EPOP: variants seen among roughly 807,000 people sequenced by gnomAD.
EPOP encodes elongin BC and polycomb repressive complex 2 associated protein, also known as elongin BC and Polycomb repressive complex 2-associated protein.
In EPOP, 14 loss-of-function variants were observed where a neutral mutation model predicts 18.2. The observed-to-expected ratio is 0.77, with a 90% CI of 0.51 to 1.20. EPOP has a LOEUF of 1.20. Ranked by LOEUF, EPOP falls within the 50% of genes most tolerant of loss-of-function variation. EPOP has a pLI of 0.00. For missense variants in EPOP, 527 were observed against 577.2 expected, an observed-to-expected ratio of 0.91 and a Z score of 0.89; for synonymous variants, 252 against 274.9, an observed-to-expected ratio of 0.92 and a Z score of 0.83.
chr17:38,673,808 C>G lies in EPOP; in HGVS notation c.688G>C (p.Ala230Pro), dbSNP rs868242531. ...PEAPAASPST[A>P]SPAPAAPGDL... ...CCGGGTGCGGCCGGAGCCGGGCTGG[C>G]CGTCGAGGGGCTGGCCGCTGGAGCC... The change falls in exon 1 of 1, where the codon GCC (alanine) becomes CCC (proline). Residue 230 changes from alanine (A) to proline (P), a missense_variant. Ala to Pro is a conservative substitution (Grantham distance 27). Coordinates refer to ENST00000621654, the MANE Select transcript of EPOP (RefSeq NM_001130677.2). 14 of 1,510,796 alleles carry G rather than the reference C, an allele frequency of 9.3e-6. No homozygotes were observed. The South Asian group carries it at 1.7e-4, about 19-fold the overall frequency. 93.6% of individuals were successfully genotyped at this position (1,510,796 alleles called of 1,614,324 possible). A position where few individuals can be genotyped will look rare whatever the true frequency, so the allele number is the denominator to read the frequency against.
rs769142923 is a variant in EPOP, at chr17:38,673,761, G to T, written c.735C>A (p.Phe245Leu). The T allele has an allele frequency of 2.0e-6, 3 of 1,527,182 alleles. No individual in the cohort carries two copies. Among genetic ancestry groups the T allele is most frequent in the Non-Finnish European group, 2.6e-6 (3 of 1,137,672 alleles). The allele number at this position is 1,527,182 out of a possible 1,614,324, so 94.6% of individuals were successfully genotyped here. A position where few individuals can be genotyped will look rare whatever the true frequency, so the allele number is the denominator to read the frequency against. The change falls in exon 1 of 1, where the codon TTC becomes TTA. Residue 245 changes from phenylalanine (F) to leucine (L), a missense_variant. Transcript: ENST00000621654. ...AAPGDLRQEH[F>L]DRLIRRSKLW... The stretch of plus-strand genomic sequence containing the variant: ...GTTTCGACCGGCGGATCAGACGATC[G>T]AAATGTTCCTGGCGGAGATCTCCGG...
Position 38,673,666 on chromosome 17 carries a change from G to C in EPOP, c.830C>G (p.Ala277Gly). Residue 277 changes from alanine to glycine, a missense_variant, in exon 1 of 1, where the codon GCG becomes GGG. Ala to Gly is a moderately conservative substitution (Grantham distance 60, BLOSUM62 0). Coordinates refer to ENST00000621654, the MANE Select transcript of EPOP (RefSeq NM_001130677.2). Reference protein sequence around the residue: ...SLRRGPERPPAKGPARGAAKK... With the variant: ...SLRRGPERPPGKGPARGAAKK... Reference sequence around the variant, plus strand: ...GGCGGCTCCCCGAGCCGGCCCTTTCGCAGGCGGCCGCTCTGGCCCCCGGCG... The same window carrying C: ...GGCGGCTCCCCGAGCCGGCCCTTTCCCAGGCGGCCGCTCTGGCCCCCGGCG... 1 of 1,530,322 alleles carries C rather than the reference G, an allele frequency of 6.5e-7. No homozygotes were observed. The highest frequency in any genetic ancestry group is 8.8e-7 in the Non-Finnish European group (1 of 1,138,992). 94.8% of individuals were successfully genotyped at this position (1,530,322 alleles called of 1,614,324 possible).
In EPOP at chr17:38,674,356, G is replaced by A; in HGVS notation, c.140C>T (p.Ala47Val). The change falls in exon 1 of 1, where the codon GCC becomes GTC. Residue 47 changes from alanine to valine, a missense_variant. Coordinates refer to ENST00000621654, the MANE Select transcript of EPOP (RefSeq NM_001130677.2). The surrounding 1 kb of genome is among the most constrained non-coding windows in gnomAD (Gnocchi z 4.5). ...PLCLRALAFC[A>V]LAKPRASSLG... Reference sequence around the variant, plus strand: ...AGAGGACGCCCGGGGCTTGGCAAGGGCGCAGAAGGCGAGGGCACGCAGGCA... The same window carrying A: ...AGAGGACGCCCGGGGCTTGGCAAGGACGCAGAAGGCGAGGGCACGCAGGCA... 6.5e-7 allele frequency: 1 copy of A among 1,542,304 alleles called. No homozygotes were observed. The highest frequency in any genetic ancestry group is 8.7e-7 in the Non-Finnish European group (1 of 1,146,136).
rs1292002662 is a variant in EPOP at position 38,674,515 on chromosome 17, C to T, written c.-20G>A. On this transcript the variant is annotated 5_prime_UTR_variant, in exon 1 of 1. The change creates a premature stop within an existing upstream ORF in the 5' untranslated region. Transcript: ENST00000621654. The surrounding 1 kb of genome is among the most constrained non-coding windows in gnomAD (Gnocchi z 4.5). Reference sequence around the variant, plus strand: ...CTCCATGGAGCAGCCTGAGGGGTGCCCACTGAGCGGGTCCAGGTCCCAGCG... The same window carrying T: ...CTCCATGGAGCAGCCTGAGGGGTGCTCACTGAGCGGGTCCAGGTCCCAGCG... The T allele has an allele frequency of 6.7e-7, 1 of 1,500,002 alleles. No individual in the cohort carries two copies. Among genetic ancestry groups the T allele is most frequent in the Non-Finnish European group, 8.9e-7 (1 of 1,128,148 alleles). The allele number at this position is 1,500,002 out of a possible 1,614,324, so 92.9% of individuals were successfully genotyped here.
rs1378389688 is a variant in EPOP, at chr17:38,672,273, A to G, written c.*1083T>C. 6.6e-6 allele frequency: 1 copy of G among 151,806 alleles called. No individual in the cohort carries two copies. 9.4% of individuals were successfully genotyped at this position (151,806 alleles called of 1,614,324 possible). ...ACTTTGCCCCTTCAAACCCCAGGGG[A>G]CTCTTGAAGTTAGGCCAAGAGTCCT... On this transcript the variant is annotated 3_prime_UTR_variant, in exon 1 of 1. Coordinates refer to ENST00000621654, the MANE Select transcript of EPOP (RefSeq NM_001130677.2).
rs894342295 is a variant in EPOP, at chr17:38,672,695, G to C, written c.*661C>G. ...GGGAACTCCAAAACTGGACAAAAGG[G>C]AAAGGTCGGCGGCTGAGGCTGAAGA... On this transcript the variant is annotated 3_prime_UTR_variant, in exon 1 of 1. Transcript: ENST00000621654. 1.3e-5 allele frequency: 2 copies of C among 152,328 alleles called. No individual in the cohort carries two copies. Among genetic ancestry groups the C allele is most frequent in the African/African-American group, 4.8e-5 (2 of 41,456 alleles). 9.4% of individuals were successfully genotyped at this position (152,328 alleles called of 1,614,324 possible). A position where few individuals can be genotyped will look rare whatever the true frequency, so the allele number is the denominator to read the frequency against.
In EPOP at chr17:38,674,860, GCACCCGGTGCCCGGGC is replaced by G. The variant is rs1911075035; in HGVS notation, c.-381_-366del. The G allele has an allele frequency of 5.6e-6, 1 of 179,400 alleles. No homozygotes were observed. Among genetic ancestry groups the G allele is most frequent in the Admixed American group, 6.3e-5 (1 of 15,924 alleles). The allele number at this position is 179,400 out of a possible 1,614,324, so 11.1% of individuals were successfully genotyped here. On this transcript the variant is annotated 5_prime_UTR_variant, in exon 1 of 1. Transcript: ENST00000621654. This position sits in a 1 kb window ranked among gnomAD's most constrained non-coding sequence, Gnocchi z 4.5. ...GGAGGCGGGAAGGACCCCGGGCCCG[GCACCCGGTGCCCGGGC>G]CCAGGCGGCGGGGAGGGCGCCTTCC...
In EPOP at chr17:38,673,777, A is replaced by T; in HGVS notation, c.719T>A (p.Leu240His). Residue 240 changes from leucine (L) to histidine (H), a missense_variant, in exon 1 of 1, where the codon CTC becomes CAC. Leu to His is a moderately conservative substitution (Grantham distance 99). Coordinates refer to ENST00000621654, the MANE Select transcript of EPOP (RefSeq NM_001130677.2). ...ASPAPAAPGDLRQEHFDRLIR... is the reference protein window; with the variant it reads ...ASPAPAAPGDHRQEHFDRLIR... ...CAGACGATCGAAATGTTCCTGGCGGAGATCTCCGGGTGCGGCCGGAGCCGG... is the reference window on the plus strand; with the variant it reads ...CAGACGATCGAAATGTTCCTGGCGGTGATCTCCGGGTGCGGCCGGAGCCGG... 6.6e-7 allele frequency: 1 copy of T among 1,520,834 alleles called. No individual in the cohort carries two copies. Among genetic ancestry groups the T allele is most frequent in the South Asian group, 1.2e-5 (1 of 81,070 alleles). The allele number at this position is 1,520,834 out of a possible 1,614,324, so 94.2% of individuals were successfully genotyped here.
At position 38,674,357 on chromosome 17, in the gene EPOP, C is replaced by A. The variant is rs1231473226; in HGVS notation, c.139G>T (p.Ala47Ser). The A allele has an allele frequency of 1.9e-6, 3 of 1,541,924 alleles. No homozygotes were observed. Among genetic ancestry groups the A allele is most frequent in the Admixed American group, 2.0e-5 (1 of 50,916 alleles). The change falls in exon 1 of 1, where the codon GCC becomes TCC. Residue 47 changes from alanine (A) to serine (S), a missense_variant. By Grantham distance (99) the Ala-to-Ser change is moderately conservative. Coordinates refer to ENST00000621654, the MANE Select transcript of EPOP (RefSeq NM_001130677.2). The surrounding 1 kb of genome is among the most constrained non-coding windows in gnomAD (Gnocchi z 4.5). The part of the protein sequence containing the change: ...PLCLRALAFC[A>S]LAKPRASSLG... ...GAGGACGCCCGGGGCTTGGCAAGGG[C>A]GCAGAAGGCGAGGGCACGCAGGCAC...
chr17:38,673,353 C>A lies in EPOP; in HGVS notation c.*3G>T. 6.6e-7 allele frequency: 1 copy of A among 1,517,492 alleles called. No individual in the cohort carries two copies. The highest frequency in any genetic ancestry group is 8.8e-7 in the Non-Finnish European group (1 of 1,133,150). The allele number at this position is 1,517,492 out of a possible 1,614,324, so 94.0% of individuals were successfully genotyped here. A position where few individuals can be genotyped will look rare whatever the true frequency, so the allele number is the denominator to read the frequency against. ...CTTTTCCCCTTTGGCAGAAGTCCCA[C>A]GGTCAGCTTTCATCCATGTTGATCC... On this transcript the variant is annotated 3_prime_UTR_variant, in exon 1 of 1. Coordinates refer to ENST00000621654, the MANE Select transcript of EPOP (RefSeq NM_001130677.2).
chr17:38,673,258 T>A lies in EPOP; in HGVS notation c.*98A>T. 1 of 1,419,900 alleles carries A rather than the reference T, an allele frequency of 7.0e-7. No individual in the cohort carries two copies. The allele number at this position is 1,419,900 out of a possible 1,614,324, so 88.0% of individuals were successfully genotyped here. ...GTCCCTCTGCCCACAGCTCCTAAAA[T>A]GTAAAGGAAGGGGACAAATGTGAGA... On this transcript the variant is annotated 3_prime_UTR_variant, in exon 1 of 1. Transcript: ENST00000621654.
In EPOP at chr17:38,674,265, C is replaced by G. The variant is rs895405475; in HGVS notation, c.231G>C (p.Leu77=). The G allele has an allele frequency of 1.4e-6, 2 of 1,460,466 alleles. No individual in the cohort carries two copies. The highest frequency in any genetic ancestry group is 2.4e-4 in the Middle Eastern group (1 of 4,248). The allele number at this position is 1,460,466 out of a possible 1,614,324, so 90.5% of individuals were successfully genotyped here. Residue 77 remains leucine (L), a synonymous_variant, in exon 1 of 1, where the codon CTG becomes CTC. Coordinates refer to ENST00000621654, the MANE Select transcript of EPOP (RefSeq NM_001130677.2). This position sits in a 1 kb window ranked among gnomAD's most constrained non-coding sequence, Gnocchi z 4.5. The stretch of plus-strand genomic sequence containing the variant: ...CATCCGGGGCCCAGCCGCCAGGGCG[C>G]AGGGGGGCCTGAGGGCCCCGCAGCA... The part of the protein sequence containing the change: ...SPVLRGPQAP[L]RPGGWAPDGL...
chr17:38,673,425 C>T lies in EPOP; in HGVS notation c.1071G>A (p.Gln357=). 6.7e-7 allele frequency: 1 copy of T among 1,492,696 alleles called. No homozygotes were observed. Among genetic ancestry groups the T allele is most frequent in the Non-Finnish European group, 8.9e-7 (1 of 1,122,874 alleles). The allele number at this position is 1,492,696 out of a possible 1,614,324, so 92.5% of individuals were successfully genotyped here. The change falls in exon 1 of 1, where the codon CAG becomes CAA. Residue 357 remains glutamine (Q), a synonymous_variant. Coordinates refer to ENST00000621654, the MANE Select transcript of EPOP (RefSeq NM_001130677.2). ...PPPAHPLWRW[Q]MGGPAVPEPP... is the part of the protein sequence containing the mutation. ...GCTCAGGGACAGCGGGACCCCCCAT[C>T]TGCCACCTCCACAGCGGGTGGGCGG... is the stretch of plus-strand genomic sequence containing the variant.
Position 38,673,255 on chromosome 17 carries a change from A to C in EPOP, c.*101T>G. ...TAGGTCCCTCTGCCCACAGCTCCTAAAATGTAAAGGAAGGGGACAAATGTG... is the reference window on the plus strand; with the variant it reads ...TAGGTCCCTCTGCCCACAGCTCCTACAATGTAAAGGAAGGGGACAAATGTG... On this transcript the variant is annotated 3_prime_UTR_variant, in exon 1 of 1. Coordinates refer to ENST00000621654, the MANE Select transcript of EPOP (RefSeq NM_001130677.2). The C allele has an allele frequency of 1.4e-6, 2 of 1,418,812 alleles. No individual in the cohort carries two copies. The highest frequency in any genetic ancestry group is 1.8e-6 in the Non-Finnish European group (2 of 1,084,044). 87.9% of individuals were successfully genotyped at this position (1,418,812 alleles called of 1,614,324 possible).
At position 38,674,809 on chromosome 17, in the gene EPOP, G is replaced by T. The variant is rs1911073216; in HGVS notation, c.-314C>A. Reference sequence around the variant, plus strand: ...CGAGTCGCCCGAAGCGCAGAGGCAGGGGAAACAAAGCGGCCGGCGGCCGCG... The same window carrying T: ...CGAGTCGCCCGAAGCGCAGAGGCAGTGGAAACAAAGCGGCCGGCGGCCGCG... On this transcript the variant is annotated 5_prime_UTR_variant, in exon 1 of 1. Transcript: ENST00000621654. This position sits in a 1 kb window ranked among gnomAD's most constrained non-coding sequence, Gnocchi z 4.5. 1 of 263,542 alleles carries T rather than the reference G, an allele frequency of 3.8e-6. No individual in the cohort carries two copies. Among genetic ancestry groups the T allele is most frequent in the South Asian group, 1.7e-4 (1 of 5,924 alleles). 16.3% of individuals were successfully genotyped at this position (263,542 alleles called of 1,614,324 possible).
rs1911003197 is a variant in EPOP, at chr17:38,673,392, G to A, written c.1104C>T (p.Gly368=). The A allele has an allele frequency of 4.7e-6, 7 of 1,505,132 alleles. No homozygotes were observed. Among genetic ancestry groups the A allele is most frequent in the Non-Finnish European group, 6.2e-6 (7 of 1,129,134 alleles). 93.2% of individuals were successfully genotyped at this position (1,505,132 alleles called of 1,614,324 possible). A position where few individuals can be genotyped will look rare whatever the true frequency, so the allele number is the denominator to read the frequency against. Reference sequence around the variant, plus strand: ...CCATGTTGATCCCCCAGAATTTGAGGCCAGGGGGCTCAGGGACAGCGGGAC... The same window carrying A: ...CCATGTTGATCCCCCAGAATTTGAGACCAGGGGGCTCAGGGACAGCGGGAC... ...MGGPAVPEPP[G]LKFWGINMDE... is the part of the protein sequence containing the mutation. The change falls in exon 1 of 1, where the codon GGC becomes GGT. Residue 368 remains glycine (G), a synonymous_variant. Coordinates refer to ENST00000621654, the MANE Select transcript of EPOP (RefSeq NM_001130677.2).
Position 38,674,424 on chromosome 17 carries a change from C to T in EPOP, c.72G>A (p.Thr24=), listed in dbSNP as rs1424336991. 6 of 1,541,812 alleles carry T rather than the reference C, an allele frequency of 3.9e-6. No homozygotes were observed. Among genetic ancestry groups the T allele is most frequent in the Non-Finnish European group, 5.2e-6 (6 of 1,145,922 alleles). The part of the protein sequence containing the change: ...ASPRGSPCSP[T]PRKPCRGTQE... ...GGGTCCCCCGACACGGCTTCCGGGG[C>T]GTGGGGGAGCAGGGCGACCCTCGCG... Residue 24 remains threonine, a synonymous_variant, in exon 1 of 1, where the codon ACG becomes ACA. Coordinates refer to ENST00000621654, the MANE Select transcript of EPOP (RefSeq NM_001130677.2). This position sits in a 1 kb window ranked among gnomAD's most constrained non-coding sequence, Gnocchi z 4.5.
Position 38,673,981 on chromosome 17 carries a change from G to A in EPOP, c.515C>T (p.Ala172Val), listed in dbSNP as rs1399863351. 2 of 1,397,344 alleles carry A rather than the reference G, an allele frequency of 1.4e-6. No individual in the cohort carries two copies. Among genetic ancestry groups the A allele is most frequent in the South Asian group, 3.2e-5 (2 of 62,430 alleles). 86.6% of individuals were successfully genotyped at this position (1,397,344 alleles called of 1,614,324 possible). Residue 172 changes from alanine to valine, a missense_variant, in exon 1 of 1, where the codon GCC (alanine) becomes GTC (valine). Physicochemically the swap from Ala to Val is moderately conservative, Grantham distance 64 (BLOSUM62 0). Transcript: ENST00000621654. ...PGLEPQRGPAASPPQEPSSRP... is the reference protein window; with the variant it reads ...PGLEPQRGPAVSPPQEPSSRP... ...GGAACTGGGTTCCTGAGGCGGGCTGGCGGCTGGGCCACGCTGAGGCTCGAG... is the reference window on the plus strand; with the variant it reads ...GGAACTGGGTTCCTGAGGCGGGCTGACGGCTGGGCCACGCTGAGGCTCGAG...
Position 38,674,606 on chromosome 17 carries a change from G to C in EPOP, c.-111C>G. ...GAACATCGCCCCCCGTCGACGGGGA[G>C]GTCTCTGCTCACGGGCGCCCCCGGC... On this transcript the variant is annotated 5_prime_UTR_variant, in exon 1 of 1. Transcript: ENST00000621654. This position sits in a 1 kb window ranked among gnomAD's most constrained non-coding sequence, Gnocchi z 4.5. 8.4e-7 allele frequency: 1 copy of C among 1,194,772 alleles called. No individual in the cohort carries two copies. Among genetic ancestry groups the C allele is most frequent in the Non-Finnish European group, 1.1e-6 (1 of 901,828 alleles). The allele number at this position is 1,194,772 out of a possible 1,614,324, so 74.0% of individuals were successfully genotyped here.
Sources: gnomAD v4.1 joint callset for allele counts on GRCh38, gnomAD v4.1.1 for gene constraint, Gnocchi (gnomAD v3.1) non-coding constraint, MANE v1.5 for transcripts, NCBI Gene and HGNC (gene_info 2026-07-23, HGNC 2026-07-21) for gene names.